PDE4D: variants seen among roughly 807,000 people sequenced by gnomAD.
PDE4D encodes the protein phosphodiesterase 4D.
In PDE4D, 24 loss-of-function variants were observed where a neutral mutation model predicts 87.4. The ratio of observed to expected loss-of-function variants is 0.27; its 90% CI spans 0.20 to 0.39. The LOEUF (loss-of-function observed/expected upper bound fraction) is 0.39, where lower values mean the gene tolerates loss of function less well. Ranked by LOEUF, PDE4D falls within the 10% of genes least tolerant of loss-of-function variation. PDE4D has a pLI of 1.00. For missense variants in PDE4D, 714 were observed against 1,041.0 expected, an observed-to-expected ratio of 0.69 and a Z score of 4.32; for synonymous variants, 384 against 383.2, an observed-to-expected ratio of 1.00 and a Z score of -0.02.
intron 1 of PDE4D, among the ~76,000 whole-genome samples, chr5:60,279,894 C>G (rs186395833): frequency 2.4e-3 from 363 of 151,980 alleles, no homozygotes; most frequent in Admixed American, 3.9e-3. Context: ...ATTGGCCAGG[C>G]TATTCTTGAA....
chr5:59,175,471 CTTTTTTTTTTT>C (rs563138575), intron 5 of PDE4D, among the ~76,000 whole-genome samples: 3 of 91,206 alleles, frequency 3.3e-5, no homozygotes, highest in Admixed American at 1.4e-4. Context: ...ATTTTTCTTT[CTTTTTTTTTTT>C]TTTTTTTTTT....
chr5:59,917,841 T>C (rs997899761), intron 3 of PDE4D, among the ~76,000 whole-genome samples: 3 of 152,130 alleles, frequency 2.0e-5, no homozygotes, highest in African/African-American at 7.2e-5. Context: ...TCAATATCTT[T>C]ATAGATTTTG....
rs1311591004 is a variant in PDE4D, at chr5:60,046,286, T to C, written c.43-57569A>G. Among the ~76,000 whole-genome samples the C allele has an allele frequency of 3.9e-5, 6 of 152,124 alleles. No individual in the cohort carries two copies. In the East Asian group the frequency reaches 9.6e-4, roughly 24 times the overall value. ...TTTGGGCTGAGACAATGGGGTTTTC[T>C]AGATATACAATCATGTCGTCTGCAA... is the stretch of plus-strand genomic sequence containing the variant. On this transcript the variant is annotated intron_variant, in intron 2 of 16. Coordinates refer to the PDE4D transcript ENST00000502484.
chr5:59,923,994 G>A (rs564250814), intron 3 of PDE4D, among the ~76,000 whole-genome samples: 16 of 152,274 alleles, frequency 1.1e-4, no homozygotes, highest in African/African-American at 3.8e-4. Flanking sequence ...ATAATACAGA[G>A]AAAGAAGTCA....
At chr5:59,282,047 TA>T (rs1016799407) in intron 1 of PDE4D, among the ~76,000 whole-genome samples, 10 of 152,182 alleles carry the variant, frequency 6.6e-5, no homozygotes, top group Non-Finnish European at 1.2e-4. Context: ...TGTGTGTTTT[TA>T]AAAATTATTC....
At chr5:59,896,401 G>A (rs1197048423), upstream of PDE4D, among the ~76,000 whole-genome samples, 2 of 152,088 alleles carry the variant, frequency 1.3e-5, no homozygotes, top group Non-Finnish European at 2.9e-5. Context: ...ACCTAGAGCA[G>A]TGATTCCAAA....
intron 1 of PDE4D, among the ~76,000 whole-genome samples, chr5:59,342,429 G>T (rs1229287712): frequency 6.6e-6 from 1 of 152,098 alleles, no homozygotes; most frequent in African/African-American, 2.4e-5. Flanking sequence ...CTTGAGAGAA[G>T]ACAATTACCT....
At chr5:60,149,056 A>T (rs1176125804) in intron 2 of PDE4D, among the ~76,000 whole-genome samples, 1 of 152,222 alleles carries the variant, frequency 6.6e-6, no homozygotes, top group East Asian at 1.9e-4. Flanking sequence ...TATGTTTAAG[A>T]AACTGTGGTC....
chr5:59,856,233 G>A (rs1745412241), intron 1 of PDE4D, among the ~76,000 whole-genome samples: 1 of 151,964 alleles, frequency 6.6e-6, no homozygotes, highest in Admixed American at 6.6e-5. Flanking sequence ...TTCTCTTTTG[G>A]CATTGGAATT....
chr5:58,977,145 C>A (rs1365258727), intron 12 of PDE4D, 46 bp downstream of exon 12: 2 of 1,538,694 alleles, frequency 1.3e-6, no homozygotes, highest in African/African-American at 1.4e-5. Flanking sequence ...AAATTATAAA[C>A]AACTTGCATC....
At chr5:60,024,166 GGAGAGAGAAAGAGA>G (rs1045731044) in intron 2 of PDE4D, among the ~76,000 whole-genome samples, 1 of 151,990 alleles carries the variant, frequency 6.6e-6, no homozygotes, top group Non-Finnish European at 1.5e-5. Context: ...TAAGTGAGAG[GGAGAGAGAAAGAGA>G]GAGAGAATTT....
chr5:59,111,845 AAG>A (rs1207036171), intron 5 of PDE4D, among the ~76,000 whole-genome samples: 1 of 152,240 alleles, frequency 6.6e-6, no homozygotes, highest in African/African-American at 2.4e-5. Flanking sequence ...TCATTTATTC[AAG>A]AATGTACTGA....
At chr5:59,599,085 G>A (rs1214889521) in intron 1 of PDE4D, among the ~76,000 whole-genome samples, 4 of 152,076 alleles carry the variant, frequency 2.6e-5, no homozygotes, top group African/African-American at 9.7e-5. Context: ...AAATATTAGA[G>A]TAAGAAAGGG....
intron 1 of PDE4D, among the ~76,000 whole-genome samples, chr5:59,383,392 C>G (rs1786300075): frequency 6.6e-6 from 1 of 152,144 alleles, no homozygotes; most frequent in Non-Finnish European, 1.5e-5. Flanking sequence ...TCCCCACTCC[C>G]CTTCAATCCT....
chr5:59,716,760 T>C (rs1755091681), intron 1 of PDE4D, among the ~76,000 whole-genome samples: 1 of 152,242 alleles, frequency 6.6e-6, no homozygotes, highest in African/African-American at 2.4e-5. Flanking sequence ...TTCATTGGTA[T>C]GTTCCAGGAC....
At chr5:59,346,713 CAGG>C (rs369024148) in intron 1 of PDE4D, among the ~76,000 whole-genome samples, 11 of 152,260 alleles carry the variant, frequency 7.2e-5, no homozygotes, top group African/African-American at 2.6e-4. Context: ...ATCTTCCACA[CAGG>C]AGGACAGAGA....
intron 1 of PDE4D, among the ~76,000 whole-genome samples, chr5:59,341,535 A>G (rs978126501): frequency 6.6e-6 from 1 of 152,242 alleles, no homozygotes; most frequent in African/African-American, 2.4e-5. Context: ...CAAATTGTGT[A>G]CTTGACACTT....
At chr5:60,474,830 A>G (rs764477508) in intron 1 of PDE4D, among the ~76,000 whole-genome samples, 3 of 152,152 alleles carry the variant, frequency 2.0e-5, no homozygotes, top group Non-Finnish European at 4.4e-5. Context: ...AAGCCCCTTC[A>G]TTCAGTCAGG....
intron 1 of PDE4D, among the ~76,000 whole-genome samples, chr5:59,302,519 C>T (rs889867879): frequency 2.6e-5 from 4 of 151,508 alleles, no homozygotes; most frequent in African/African-American, 9.7e-5. Context: ...ATCTTTTATC[C>T]CTCACCCCCC....
Sources: allele counts gnomAD v4.1 joint callset (sites outside exome capture counted in the v4.1 genomes callset), GRCh38; gene constraint gnomAD v4.1.1; transcripts MANE v1.5; gene names NCBI Gene and HGNC (gene_info 2026-07-23, HGNC 2026-07-21).